The following WDR47 variants were observed in gnomAD, a reference collection of about 807,000 sequenced individuals.
The protein encoded by WDR47 is WD repeat domain 47.
WDR47 carries 32 observed loss-of-function variants against 97.2 expected under a neutral mutation model. The ratio of observed to expected loss-of-function variants is 0.33; its 90% confidence interval spans 0.25 to 0.44. The LOEUF is 0.44. Among genes scored for constraint, WDR47 ranks in the 20% least tolerant of loss-of-function variants. The pLI is 1.00. For missense variants in WDR47, 782 were observed against 1,102.3 expected, an observed-to-expected ratio of 0.71 and a Z score of 4.11; for synonymous variants, 375 against 373.5, an observed-to-expected ratio of 1.00 and a Z score of -0.05.
Position 109,030,828 on chromosome 1 carries a change from G to A in WDR47, c.-9-7307C>T, listed in dbSNP as rs536932202. Among the ~76,000 whole-genome samples, 394 of 135,310 alleles carry A rather than the reference G, an allele frequency of 2.9e-3. 86 individuals are homozygous for A. Among genetic ancestry groups the A allele is most frequent in the Non-Finnish European group, 4.9e-3 (303 of 61,712 alleles). The allele number at this position is 135,310 out of a possible 152,430, so 88.8% of individuals were successfully genotyped here. A position where few individuals can be genotyped will look rare whatever the true frequency, so the allele number is the denominator to read the frequency against. On this transcript the variant is annotated intron_variant, in intron 1 of 14. Transcript: ENST00000369962. The stretch of plus-strand genomic sequence containing the variant: ...TAACATGGCATTCAAAAAACTTTAT[G>A]TTGCTGCCAGGTCATTTAATTTTAA...
chr1:109,024,771 G>C (rs1439061255), intron 1 of WDR47: 1 of 152,314 alleles, frequency 6.6e-6, no homozygotes, highest in Admixed American at 6.5e-5. Context: ...AGATGAAACA[G>C]ACTATAAGCA....
chr1:109,038,990 A>G (rs1663149615), intron 1 of WDR47, among the ~76,000 whole-genome samples: 1 of 138,936 alleles, frequency 7.2e-6, no homozygotes, highest in African/African-American at 2.5e-5. Context: ...AATAATAACA[A>G]TAATAATAAA....
At chr1:108,989,785 C>G (rs1034644576) in intron 9 of WDR47, among the ~76,000 whole-genome samples, 1 of 152,102 alleles carries the variant, frequency 6.6e-6, no homozygotes, top group Admixed American at 6.6e-5. Flanking sequence ...ACCTCTGCCT[C>G]CCAGGTTCAA....
intron 2 of WDR47, among the ~76,000 whole-genome samples, chr1:109,018,211 G>A (rs1199065401): frequency 6.6e-6 from 1 of 151,678 alleles, no homozygotes; most frequent in Non-Finnish European, 1.5e-5. Flanking sequence ...CACTTTGGGA[G>A]GCCAAGGTGG....
chr1:109,027,754 C>G (rs187970923), intron 1 of WDR47, among the ~76,000 whole-genome samples: 1 of 151,804 alleles, frequency 6.6e-6, no homozygotes, highest in East Asian at 2.0e-4. Flanking sequence ...GAACTCCTGA[C>G]CTCGTGATCC....
intron 10 of WDR47, among the ~76,000 whole-genome samples, 179 bp downstream of exon 10, chr1:108,986,342 CTT>C (rs1253792911): frequency 1.3e-5 from 2 of 152,088 alleles, no homozygotes; most frequent in Admixed American, 1.3e-4. Flanking sequence ...AAGTTAATGA[CTT>C]AAGTATATTT....
chr1:108,990,309 A>G (rs1386542633), intron 9 of WDR47, among the ~76,000 whole-genome samples: 1 of 152,060 alleles, frequency 6.6e-6, no homozygotes, highest in Non-Finnish European at 1.5e-5. Context: ...CCTGGGTTAA[A>G]GCAATTCTCG....
chr1:108,991,247 G>A lies in WDR47; in HGVS notation c.1767+7C>T. 1 of 1,609,902 alleles carries A rather than the reference G, an allele frequency of 6.2e-7. No homozygotes were observed. The highest frequency in any genetic ancestry group is 8.5e-7 in the Non-Finnish European group (1 of 1,177,678). ...AAACAATAAAACTTCCTTCCCCAAA[G>A]TATTACCTCTTCCCCTTTCGACCTT... On this transcript the variant is annotated splice_region_variant and intron_variant, in intron 9 of 14. Coordinates refer to ENST00000369962, the MANE Select transcript of WDR47 (RefSeq NM_001142551.2).
intron 14 of WDR47, among the ~76,000 whole-genome samples, chr1:108,973,584 T>C (rs188361428): frequency 7.4e-4 from 113 of 152,276 alleles, no homozygotes; most frequent in African/African-American, 2.6e-3. Context: ...AGTACACAAA[T>C]CCATCATTTA....
Position 108,995,847 on chromosome 1 carries a change from TAAAC to T in WDR47, c.1434-14_1434-11del. 6.2e-7 allele frequency: 1 copy of T among 1,609,658 alleles called. No individual in the cohort carries two copies. Among genetic ancestry groups the T allele is most frequent in the Non-Finnish European group, 8.5e-7 (1 of 1,177,234 alleles). ...AAGCTTTTGAATGGACCTATAAAAT[TAAAC>T]AATGTAATCATTTTAAAATAAAAAC... On this transcript the variant is annotated splice_polypyrimidine_tract_variant and intron_variant, in intron 7 of 14. Transcript: ENST00000369962.
chr1:109,020,523 A>G (rs1661757433), intron 2 of WDR47, among the ~76,000 whole-genome samples: 1 of 152,122 alleles, frequency 6.6e-6, no homozygotes, highest in Non-Finnish European at 1.5e-5. Flanking sequence ...TGGCCTCCCA[A>G]AGTGCTGGGA....
chr1:108,972,418 A>T (rs1657519712), intron 14 of WDR47, among the ~76,000 whole-genome samples: 1 of 152,024 alleles, frequency 6.6e-6, no homozygotes, highest in African/African-American at 2.4e-5. Context: ...TTCTCCAAAA[A>T]TATAATTCAG....
At chr1:108,984,615 C>G (rs1390624684) in intron 10 of WDR47, among the ~76,000 whole-genome samples, 1 of 152,172 alleles carries the variant, frequency 6.6e-6, no homozygotes, top group Non-Finnish European at 1.5e-5. Context: ...TGTGATGGCT[C>G]AGGCCTGTAA....
intron 10 of WDR47, among the ~76,000 whole-genome samples, chr1:108,985,380 C>T (rs1363123414): frequency 2.0e-5 from 3 of 152,154 alleles, no homozygotes. Context: ...GGTTACTCCT[C>T]CTTAGATCTC....
chr1:108,979,905 G>C (rs1658207692), intron 13 of WDR47, among the ~76,000 whole-genome samples: 1 of 152,284 alleles, frequency 6.6e-6, no homozygotes, highest in African/African-American at 2.4e-5. Context: ...TGGCCTGTTA[G>C]GCACCGGGCC....
At chr1:108,975,403 A>C (rs1571128576) in intron 13 of WDR47, among the ~76,000 whole-genome samples, 1 of 151,988 alleles carries the variant, frequency 6.6e-6, no homozygotes, top group African/African-American at 2.4e-5. Flanking sequence ...CAGGTGGCTC[A>C]CAAGGTCAGG....
chr1:109,038,894 A>T (rs1357464429), intron 1 of WDR47, among the ~76,000 whole-genome samples: 3 of 151,980 alleles, frequency 2.0e-5, no homozygotes, highest in South Asian at 2.1e-4. Context: ...CAGGAGAATC[A>T]CTTGAACTTG....
intron 8 of WDR47, among the ~76,000 whole-genome samples, chr1:108,992,083 C>A (rs1480760628): frequency 6.6e-6 from 1 of 151,880 alleles, no homozygotes; most frequent in African/African-American, 2.4e-5. Flanking sequence ...AGAAGAGAGG[C>A]AATTTAGGGA....
intron 8 of WDR47, chr1:108,992,156 G>A (rs17838300): frequency 0.036 from 22,733 of 633,644 alleles, 512 homozygotes; most frequent in Admixed American, 0.072. Flanking sequence ...GATTAATAAG[G>A]AAACAAGAGC....
Sources: gnomAD v4.1 joint callset for allele counts (sites outside exome capture counted in the v4.1 genomes callset) on GRCh38, gnomAD v4.1.1 for gene constraint, MANE v1.5 for transcripts, NCBI Gene and HGNC (gene_info 2026-07-23, HGNC 2026-07-21) for gene names.